The following CSMD2 variants were observed in gnomAD, a reference collection of about 807,000 sequenced individuals.
The protein encoded by CSMD2 is CUB and Sushi multiple domains 2, also known as CUB and sushi domain-containing protein 2.
Under a neutral mutation model 398.5 loss-of-function variants are expected in CSMD2, and 130 were observed. That is an observed-to-expected ratio of 0.33 (90% CI 0.28 to 0.38). The LOEUF (loss-of-function observed/expected upper bound fraction) is 0.38, where lower values mean the gene tolerates loss of function less well. Among genes scored for constraint, CSMD2 ranks in the 10% least tolerant of loss-of-function variants. The pLI is 1.00. For missense variants in CSMD2, 3,829 were observed against 4,764.9 expected, an observed-to-expected ratio of 0.80 and a Z score of 5.78; for synonymous variants, 1,828 against 1,908.5, an observed-to-expected ratio of 0.96 and a Z score of 1.10.
At chr1:33,793,644 G>T (rs1236744558) in intron 10 of CSMD2, among the ~76,000 whole-genome samples, 1 of 152,080 alleles carries the variant, frequency 6.6e-6, no homozygotes, top group Admixed American at 6.5e-5. Context: ...GGGACGCATA[G>T]GTGTTTGAGA....
Position 33,633,930 on chromosome 1 carries a change from G to A in CSMD2, c.5087-395C>T, listed in dbSNP as rs113964071. On this transcript the variant is annotated intron_variant, in intron 31 of 70. Transcript: ENST00000373381. This position sits in a 1 kb window ranked among gnomAD's most constrained non-coding sequence, Gnocchi z 5.0. Reference sequence around the variant, plus strand: ...CGATGTCAGGACCCCACATTCATGCGTCCCAACGTCAGTTAGTCAGTGTCA... The same window carrying A: ...CGATGTCAGGACCCCACATTCATGCATCCCAACGTCAGTTAGTCAGTGTCA... Among the ~76,000 whole-genome samples, 87 of 152,270 alleles carry A rather than the reference G, an allele frequency of 5.7e-4. No homozygotes were observed. The highest frequency in any genetic ancestry group is 2.1e-3 in the South Asian group (10 of 4,820).
chr1:33,997,008 C>G (rs1646747400), intron 3 of CSMD2, among the ~76,000 whole-genome samples: 1 of 152,232 alleles, frequency 6.6e-6, no homozygotes, highest in Non-Finnish European at 1.5e-5. Context: ...GTCACTTTCT[C>G]AAGGTCATAC....
chr1:34,010,063 G>C (rs1647196131), intron 3 of CSMD2, among the ~76,000 whole-genome samples: 1 of 152,128 alleles, frequency 6.6e-6, no homozygotes, highest in Non-Finnish European at 1.5e-5. Flanking sequence ...TTGTCTACAG[G>C]ACAATGTTCA....
At position 33,611,089 on chromosome 1, in the gene CSMD2, G is replaced by A. The variant is rs967894244; in HGVS notation, c.6295C>T (p.His2099Tyr). 1 of 1,613,986 alleles carries A rather than the reference G, an allele frequency of 6.2e-7. No homozygotes were observed. Among genetic ancestry groups the A allele is most frequent in the Admixed American group, 1.7e-5 (1 of 60,012 alleles). ...STSHETTVYF[H>Y]SDHSQNRPGF... ...GGCCGATTCTGGGAGTGGTCGCTGT[G>A]GAAATACACGGTGGTCTCGTGGGAC... The change falls in exon 41 of 71, where the codon CAC (histidine) becomes TAC (tyrosine). Residue 2099 changes from histidine to tyrosine, a missense_variant. Coordinates refer to ENST00000373381, the MANE Select transcript of CSMD2 (RefSeq NM_001281956.2).
At chr1:33,731,241 T>C (rs1286476704) in intron 15 of CSMD2, among the ~76,000 whole-genome samples, 2 of 152,208 alleles carry the variant, frequency 1.3e-5, no homozygotes, top group Non-Finnish European at 2.9e-5. Flanking sequence ...CTTTACAAAC[T>C]GTATCTCGGA....
At chr1:33,590,981 CTTTTTTTTT>C (rs11374822) in intron 44 of CSMD2, among the ~76,000 whole-genome samples, 2 of 67,186 alleles carry the variant, frequency 3.0e-5, no homozygotes, top group African/African-American at 1.3e-4. Flanking sequence ...TTTTATTTAT[CTTTTTTTTT>C]TTTTTTTTTT....
chr1:34,010,906 T>G (rs2148067719), intron 3 of CSMD2, among the ~76,000 whole-genome samples: 1 of 152,342 alleles, frequency 6.6e-6, no homozygotes, highest in Middle Eastern at 3.4e-3. Context: ...ATTAGAGGCA[T>G]GAGCCACCGC....
At chr1:34,075,080 T>G (rs2148311741) in intron 2 of CSMD2, among the ~76,000 whole-genome samples, 1 of 152,366 alleles carries the variant, frequency 6.6e-6, no homozygotes, top group East Asian at 1.9e-4. Flanking sequence ...TACCTGGCAT[T>G]CCTGTTAGGC....
intron 2 of CSMD2, among the ~76,000 whole-genome samples, chr1:34,044,522 A>C (rs1268656168): frequency 6.6e-6 from 1 of 151,604 alleles, no homozygotes; most frequent in Non-Finnish European, 1.5e-5. Context: ...TTGCTACAAC[A>C]ATCATGAGGC....
intron 3 of CSMD2, among the ~76,000 whole-genome samples, chr1:33,977,545 G>A (rs1646011915): frequency 6.6e-6 from 1 of 151,994 alleles, no homozygotes; most frequent in South Asian, 2.1e-4. Flanking sequence ...CTGCAGCCTA[G>A]ATTCCAAGCA....
rs397860875 is a variant in CSMD2 at position 33,554,185 on chromosome 1, C to CTTTTTTTTT, written c.8743+3540_8743+3548dup. ...AGATTTTAAAGGTAGAAAAAACAGC[C>CTTTTTTTTT]TTTTTTTTTTTTTTTTTTTTTTTTG... On this transcript the variant is annotated intron_variant, in intron 55 of 70. Coordinates refer to ENST00000373381, the MANE Select transcript of CSMD2 (RefSeq NM_001281956.2). Among the ~76,000 whole-genome samples the CTTTTTTTTT allele has an allele frequency of 8.1e-5, 6 of 74,384 alleles. 1 individual carries two copies. The highest frequency in any genetic ancestry group is 2.2e-4 in the African/African-American group (4 of 18,570). 48.8% of individuals were successfully genotyped at this position (74,384 alleles called of 152,430 possible).
chr1:33,829,655 C>T (rs906986772), intron 6 of CSMD2, among the ~76,000 whole-genome samples: 1 of 152,122 alleles, frequency 6.6e-6, no homozygotes, highest in African/African-American at 2.4e-5. Context: ...AGACAGTGGG[C>T]GCAGGACAGT....
intron 3 of CSMD2, among the ~76,000 whole-genome samples, chr1:34,001,954 G>A (rs559390485): frequency 7.2e-5 from 11 of 152,308 alleles, no homozygotes; most frequent in Admixed American, 6.5e-4. Flanking sequence ...CATGCTGTTT[G>A]AACTTGGTCT....
intron 5 of CSMD2, chr1:33,860,983 T>C (rs2125112725): frequency 6.6e-6 from 1 of 152,294 alleles, no homozygotes. Context: ...AGTAGAAATT[T>C]TTTATCTCTA....
chr1:33,783,070 G>T (rs1652998238), intron 12 of CSMD2, among the ~76,000 whole-genome samples: 1 of 152,122 alleles, frequency 6.6e-6, no homozygotes, highest in Admixed American at 6.5e-5. Context: ...GTGGGATGCG[G>T]AAAACTGACA....
intron 29 of CSMD2, among the ~76,000 whole-genome samples, chr1:33,643,452 C>T (rs1393904026): frequency 3.3e-5 from 5 of 152,144 alleles, no homozygotes; most frequent in Admixed American, 6.5e-5. Flanking sequence ...ATACCAGTGA[C>T]GTAGGAAAAA....
At chr1:33,790,663 CTATCTATCTA>C (rs989337106) in intron 11 of CSMD2, among the ~76,000 whole-genome samples, 7 of 62,042 alleles carry the variant, frequency 1.1e-4, no homozygotes, top group African/African-American at 4.3e-4. Context: ...GTTTGTCTGT[CTATCTATCTA>C]TCTATCTATC....
At chr1:33,600,476 C>T (rs1640141358) in intron 44 of CSMD2, 1 of 526,658 alleles carries the variant, frequency 1.9e-6, no homozygotes, top group South Asian at 2.6e-5. Flanking sequence ...ACACAGTGCT[C>T]CTTGAGAGGT....
intron 2 of CSMD2, among the ~76,000 whole-genome samples, chr1:34,056,310 T>A (rs12127449): frequency 0.054 from 8,190 of 152,306 alleles, 308 homozygotes; most frequent in East Asian, 0.13. Context: ...CTGGCTTGTC[T>A]ATTTCCTTCA....
Sources: gnomAD v4.1 joint callset for allele counts (sites outside exome capture counted in the v4.1 genomes callset) on GRCh38, gnomAD v4.1.1 for gene constraint, Gnocchi (gnomAD v3.1) non-coding constraint, MANE v1.5 for transcripts, NCBI Gene and HGNC (gene_info 2026-07-23, HGNC 2026-07-21) for gene names.